The following TYW1 variants were observed in gnomAD, a reference collection of about 807,000 sequenced individuals.
TYW1 encodes the protein tRNA-yW synthesizing protein 1 homolog, also known as S-adenosyl-L-methionine-dependent tRNA 4-demethylwyosine synthase TYW1.
In TYW1, 46 loss-of-function variants were observed where a neutral mutation model predicts 96.2. The ratio of observed to expected loss-of-function variants is 0.48; its 90% CI spans 0.38 to 0.61. The LOEUF is 0.61. TYW1 is among the 20% of genes least tolerant of loss of function. TYW1 has a pLI of 0.00. For synonymous variants in TYW1, 274 were observed against 323.0 expected (o/e 0.85, Z 1.63); for missense variants, 684 against 909.6 (o/e 0.75, Z 3.19).
chr7:67,181,595 C>T (rs983210574), intron 13 of TYW1, among the ~76,000 whole-genome samples: 3 of 152,018 alleles, frequency 2.0e-5, no homozygotes, highest in East Asian at 3.9e-4. Context: ...TTTTGTGCAT[C>T]CCTTTCACTT....
At chr7:67,058,193 C>T (rs1294139338) in intron 9 of TYW1, among the ~76,000 whole-genome samples, 2 of 152,226 alleles carry the variant, frequency 1.3e-5, no homozygotes, top group East Asian at 3.9e-4. Context: ...CTTGGCCTCC[C>T]AAAGTGCTGA....
At chr7:67,167,825 G>T (rs999998993) in intron 13 of TYW1, among the ~76,000 whole-genome samples, 2 of 152,000 alleles carry the variant, frequency 1.3e-5, no homozygotes, top group East Asian at 1.9e-4. Flanking sequence ...CGCGATCTCA[G>T]TTCACTGCAA....
At chr7:66,997,922 C>G in intron 1 of TYW1, 143 bp from the exon 2 acceptor site, 1 of 1,153,796 alleles carries the variant, frequency 8.7e-7, no homozygotes, top group Non-Finnish European at 1.2e-6. Context: ...AGCCATCGTG[C>G]CCGGCCAACA....
At position 67,117,495 on chromosome 7, in the gene TYW1, G is replaced by A. The variant is rs13221716; in HGVS notation, c.1575G>A (p.Pro525=). The A allele has an allele frequency of 1.5e-5, 24 of 1,602,968 alleles. No individual in the cohort carries two copies. The highest frequency in any genetic ancestry group is 1.3e-4 in the East Asian group (6 of 44,836). ...QFPAEIRNLE[P]VTQLYVSVDA... The stretch of plus-strand genomic sequence containing the variant: ...AAATATTACTAAGGAACCTCGAGCC[G>A]GTTACTCAGCTGTATGTCAGTGTGG... The change falls in exon 13 of 16, where the codon CCG becomes CCA. Residue 525 remains proline, a synonymous_variant. Coordinates refer to ENST00000359626, the MANE Select transcript of TYW1 (RefSeq NM_018264.4).
chr7:67,135,607 G>GTTT (rs68006255), intron 13 of TYW1, among the ~76,000 whole-genome samples: 3 of 146,060 alleles, frequency 2.1e-5, no homozygotes. Context: ...CCAGCCAACA[G>GTTT]TTTTTTTTTT....
intron 13 of TYW1, among the ~76,000 whole-genome samples, chr7:67,136,695 A>G (rs536588212): frequency 1.3e-5 from 2 of 151,270 alleles, no homozygotes; most frequent in South Asian, 4.2e-4. Context: ...GTATATATAT[A>G]TATGCTGACA....
Position 67,032,793 on chromosome 7 carries a change from T to G in TYW1, c.984+7771T>G, listed in dbSNP as rs907940790. 5.3e-5 allele frequency among the ~76,000 whole-genome samples: 8 copies of G among 151,546 alleles called. No homozygotes were observed. The East Asian group carries it at 1.4e-3, about 26-fold the overall frequency. On this transcript the variant is annotated intron_variant, in intron 7 of 15. Coordinates refer to ENST00000359626, the MANE Select transcript of TYW1 (RefSeq NM_018264.4). The stretch of plus-strand genomic sequence containing the variant: ...CATCTCCCTGGCAAGTCCCTTGCGC[T>G]GAGCAAAATGTACTCTGAGAAGCTG...
chr7:67,120,601 C>T (rs1338657631), intron 13 of TYW1, among the ~76,000 whole-genome samples: 1 of 152,156 alleles, frequency 6.6e-6, no homozygotes, highest in Non-Finnish European at 1.5e-5. Flanking sequence ...ATTTACATAG[C>T]ATAAAAATTA....
At chr7:67,127,695 T>C (rs1433165223) in intron 13 of TYW1, among the ~76,000 whole-genome samples, 1 of 152,230 alleles carries the variant, frequency 6.6e-6, no homozygotes, top group Non-Finnish European at 1.5e-5. Context: ...CCTGTATCAT[T>C]TTCCTTTTCT....
chr7:67,201,036 C>T (rs1800581704), intron 15 of TYW1, among the ~76,000 whole-genome samples: 1 of 151,956 alleles, frequency 6.6e-6, no homozygotes, highest in South Asian at 2.1e-4. Context: ...CTCTATTTCC[C>T]TAAAGGGCAT....
intron 13 of TYW1, among the ~76,000 whole-genome samples, chr7:67,175,091 CAGG>C (rs1398187878): frequency 6.6e-6 from 1 of 151,774 alleles, no homozygotes; most frequent in African/African-American, 2.4e-5. Context: ...TACCAGTCAT[CAGG>C]AGAACTAACA....
intron 9 of TYW1, among the ~76,000 whole-genome samples, chr7:67,064,263 A>G (rs1025317765): frequency 6.6e-6 from 1 of 152,220 alleles, no homozygotes; most frequent in Non-Finnish European, 1.5e-5. Flanking sequence ...GAAGACAGAA[A>G]TGGGAAGAAT....
intron 4 of TYW1, among the ~76,000 whole-genome samples, chr7:67,012,617 A>C (rs1002063980): frequency 7.2e-5 from 11 of 152,176 alleles, no homozygotes; most frequent in African/African-American, 2.7e-4. Flanking sequence ...CTAAGGATAC[A>C]CAGGTTGAGA....
At chr7:67,178,237 T>C (rs1799739336) in intron 13 of TYW1, among the ~76,000 whole-genome samples, 1 of 151,996 alleles carries the variant, frequency 6.6e-6, no homozygotes, top group Non-Finnish European at 1.5e-5. Context: ...GCAGCAGTAT[T>C]TTCTAAGAAA....
At chr7:67,205,396 G>GC (rs1382216551) in intron 15 of TYW1, among the ~76,000 whole-genome samples, 3 of 151,746 alleles carry the variant, frequency 2.0e-5, no homozygotes, top group Non-Finnish European at 4.4e-5. Flanking sequence ...CGGGGGGGGG[G>GC]CCTTATTGCT....
chr7:67,235,346 T>C (rs113858936), intron 15 of TYW1, among the ~76,000 whole-genome samples: 9 of 152,238 alleles, frequency 5.9e-5, no homozygotes, highest in African/African-American at 2.2e-4. Flanking sequence ...GTTGTCCCAA[T>C]TGGCCCATGT....
intron 7 of TYW1, among the ~76,000 whole-genome samples, chr7:67,048,591 A>G (rs1362107573): frequency 1.3e-5 from 2 of 152,202 alleles, no homozygotes; most frequent in African/African-American, 4.8e-5. Flanking sequence ...GAAAGAGTGA[A>G]TGAGGGTCAT....
chr7:67,164,138 T>C (rs1799251695), intron 13 of TYW1, among the ~76,000 whole-genome samples: 1 of 152,130 alleles, frequency 6.6e-6, no homozygotes, highest in Admixed American at 6.6e-5. Flanking sequence ...TAAACCTTAA[T>C]TTTTTTGGTG....
At chr7:67,026,590 A>G (rs1437463127) in intron 7 of TYW1, among the ~76,000 whole-genome samples, 1 of 152,066 alleles carries the variant, frequency 6.6e-6, no homozygotes, top group Non-Finnish European at 1.5e-5. Context: ...TTAGATCTAG[A>G]TTGATCTATT....
Sources: gnomAD v4.1 joint callset for allele counts (sites outside exome capture counted in the v4.1 genomes callset) on GRCh38, gnomAD v4.1.1 for gene constraint, MANE v1.5 for transcripts, NCBI Gene and HGNC (gene_info 2026-07-23, HGNC 2026-07-21) for gene names.